Variants in PCNX2 observed in about 807,000 individuals in gnomAD.
PCNX2 encodes pecanex-like protein 2.
In PCNX2, 168 loss-of-function variants were observed where a neutral mutation model predicts 223.8. The ratio of observed to expected loss-of-function variants is 0.75; its 90% CI spans 0.66 to 0.85. PCNX2 has a LOEUF of 0.85. Ranked by LOEUF, PCNX2 falls within the 40% of genes least tolerant of loss-of-function variation. The probability of loss-of-function intolerance (pLI) is 0.00; values close to 1 mark genes in which losing one functional copy is unlikely to be tolerated. For synonymous variants in PCNX2, 1,006 were observed against 1,052.6 expected, an observed-to-expected ratio of 0.96 and a Z score of 0.86; for missense variants, 2,507 against 2,675.5, an observed-to-expected ratio of 0.94 and a Z score of 1.39.
intron 19 of PCNX2, among the ~76,000 whole-genome samples, chr1:233,147,318 T>C (rs542329966): frequency 5.9e-5 from 9 of 152,364 alleles, no homozygotes; most frequent in African/African-American, 2.2e-4. Flanking sequence ...TTATATACTG[T>C]ATTCTTATAA....
chr1:232,998,593 C>T (rs1016223416), intron 31 of PCNX2, among the ~76,000 whole-genome samples, 155 bp from the exon 32 acceptor site: 4 of 152,122 alleles, frequency 2.6e-5, no homozygotes, highest in African/African-American at 9.7e-5. Flanking sequence ...GCTGTTGTTC[C>T]CAAACCTCAG....
chr1:233,197,285 T>C (rs1032556477), intron 15 of PCNX2, among the ~76,000 whole-genome samples: 1 of 152,064 alleles, frequency 6.6e-6, no homozygotes, highest in Admixed American at 6.5e-5. Context: ...AGCAAACAAA[T>C]AATTCCAGAA....
intron 32 of PCNX2, among the ~76,000 whole-genome samples, chr1:232,987,649 T>C (rs1669540561): frequency 1.3e-5 from 2 of 152,176 alleles, no homozygotes; most frequent in African/African-American, 4.8e-5. Context: ...CATCTGGTGA[T>C]TGTGAAGCGG....
Position 233,111,479 on chromosome 1 carries a change from G to C in PCNX2, c.3838-15616C>G, listed in dbSNP as rs550009459. On this transcript the variant is annotated intron_variant, in intron 21 of 33. Coordinates refer to ENST00000258229, the MANE Select transcript of PCNX2 (RefSeq NM_014801.4). Reference sequence around the variant, plus strand: ...GCTGGAGTGAAGTGGCATAATCATGGCTCACTGCAGCCTCAACCTCCCAGG... The same window carrying C: ...GCTGGAGTGAAGTGGCATAATCATGCCTCACTGCAGCCTCAACCTCCCAGG... Among the ~76,000 whole-genome samples the C allele has an allele frequency of 2.0e-5, 3 of 152,216 alleles. No individual in the cohort carries two copies. In the South Asian group the frequency reaches 6.2e-4, roughly 32 times the overall value.
At chr1:233,221,410 G>A (rs1444085028) in intron 10 of PCNX2, among the ~76,000 whole-genome samples, 1 of 151,870 alleles carries the variant, frequency 6.6e-6, no homozygotes, top group Non-Finnish European at 1.5e-5. Flanking sequence ...TTCTGTTTGG[G>A]GAGGGCAAAG....
chr1:233,291,222 A>T (rs898557150), intron 1 of PCNX2: 1 of 419,796 alleles, frequency 2.4e-6, no homozygotes, highest in African/African-American at 2.2e-5. Context: ...TCAGTTGCTA[A>T]ACCTATAAAA....
intron 17 of PCNX2, among the ~76,000 whole-genome samples, chr1:233,168,323 T>C (rs956574077): frequency 7.9e-5 from 12 of 152,148 alleles, no homozygotes; most frequent in African/African-American, 2.9e-4. Flanking sequence ...AGCCAGTATT[T>C]TTCCTGTTGA....
Position 232,987,896 on chromosome 1 carries a change from C to T in PCNX2, c.5792-1356G>A, listed in dbSNP as rs566645840. On this transcript the variant is annotated intron_variant, in intron 32 of 33. Transcript: ENST00000258229. Reference sequence around the variant, plus strand: ...TGCTCCCATCTCACTTTCTCCTGCCCGTGTGTTGACAGTAAGGAGCGCTCG... The same window carrying T: ...TGCTCCCATCTCACTTTCTCCTGCCTGTGTGTTGACAGTAAGGAGCGCTCG... 1.7e-3 allele frequency among the ~76,000 whole-genome samples: 254 copies of T among 152,282 alleles called. 1 individual carries two copies. Among genetic ancestry groups the T allele is most frequent in the African/African-American group, 5.8e-3 (243 of 41,576 alleles).
chr1:233,104,568 G>C (rs931945418), intron 21 of PCNX2, among the ~76,000 whole-genome samples: 10 of 152,042 alleles, frequency 6.6e-5, no homozygotes, highest in African/African-American at 2.4e-4. Flanking sequence ...TATAATCATA[G>C]GGGAAGCTTT....
chr1:233,261,815 G>A (rs979575649), intron 3 of PCNX2, among the ~76,000 whole-genome samples: 2 of 152,210 alleles, frequency 1.3e-5, no homozygotes, highest in African/African-American at 4.8e-5. Flanking sequence ...GCAGGTGGAC[G>A]GCAGGGAAGG....
intron 28 of PCNX2, among the ~76,000 whole-genome samples, chr1:233,003,461 C>T (rs1040572956): frequency 6.6e-6 from 1 of 152,240 alleles, no homozygotes; most frequent in African/African-American, 2.4e-5. Context: ...GATACCATCT[C>T]ACACCAGTTA....
In PCNX2 at chr1:233,199,118, C is replaced by T. The variant is rs545959958; in HGVS notation, c.2975-88G>A. 27 of 1,225,734 alleles carry T rather than the reference C, an allele frequency of 2.2e-5. No individual in the cohort carries two copies. In the African/African-American group the frequency reaches 2.4e-4, roughly 11 times the overall value. The allele number at this position is 1,225,734 out of a possible 1,614,324, so 75.9% of individuals were successfully genotyped here. On this transcript the variant is annotated intron_variant, in intron 14 of 33. Transcript: ENST00000258229. ...AACAGTGAAGAGATGGTTGCACATT[C>T]GCATACAAGATGCCTGCTGAAGGGG...
chr1:233,054,539 G>T, intron 24 of PCNX2, 56 bp from the exon 25 acceptor site: 1 of 1,395,304 alleles, frequency 7.2e-7, no homozygotes, highest in Non-Finnish European at 1.0e-6. Context: ...TGTGTATCCA[G>T]ACCTAGGAAA....
At chr1:233,051,767 A>G (rs1199212887) in intron 25 of PCNX2, among the ~76,000 whole-genome samples, 1 of 152,178 alleles carries the variant, frequency 6.6e-6, no homozygotes, top group Non-Finnish European at 1.5e-5. Flanking sequence ...CAGTGATGGG[A>G]CCAATCATAC....
chr1:233,041,355 A>G (rs1016463924), intron 25 of PCNX2, among the ~76,000 whole-genome samples: 10 of 152,142 alleles, frequency 6.6e-5, no homozygotes, highest in Non-Finnish European at 1.3e-4. Flanking sequence ...CAAAATCCGA[A>G]ACCTTTTGAG....
chr1:233,138,425 A>T (rs78641163), intron 20 of PCNX2, among the ~76,000 whole-genome samples: 1 of 152,066 alleles, frequency 6.6e-6, no homozygotes, highest in South Asian at 2.1e-4. Flanking sequence ...CTTTAGCTCA[A>T]TTTCCCAGAG....
chr1:233,247,026 T>C (rs1659163418), intron 8 of PCNX2, among the ~76,000 whole-genome samples: 1 of 152,234 alleles, frequency 6.6e-6, no homozygotes. Context: ...TAGCACAGTT[T>C]TCCATGTGTC....
intron 1 of PCNX2, among the ~76,000 whole-genome samples, chr1:233,279,219 C>T (rs1382139694): frequency 6.6e-6 from 1 of 151,852 alleles, no homozygotes; most frequent in African/African-American, 2.4e-5. Flanking sequence ...TGACATTGCT[C>T]TTTTTGTTTG....
intron 1 of PCNX2, among the ~76,000 whole-genome samples, chr1:233,279,211 A>T (rs1052277581): frequency 6.6e-6 from 1 of 152,190 alleles, no homozygotes; most frequent in African/African-American, 2.4e-5. Context: ...TTTCAGAATG[A>T]CATTGCTCTT....
Sources: gnomAD v4.1 joint callset for allele counts (sites outside exome capture counted in the v4.1 genomes callset) on GRCh38, gnomAD v4.1.1 for gene constraint, MANE v1.5 for transcripts, NCBI Gene and HGNC (gene_info 2026-07-23, HGNC 2026-07-21) for gene names.